NEK11: variants seen among roughly 807,000 people sequenced by gnomAD.
NEK11 encodes NIMA related kinase 11.
NEK11 carries 72 observed loss-of-function variants against 80.7 expected under a neutral mutation model. That is an observed-to-expected ratio of 0.89 (90% confidence interval 0.74 to 1.08). NEK11 has a LOEUF of 1.08. NEK11 is among the 50% of genes least tolerant of loss of function. NEK11 has a pLI of 0.00. For synonymous variants in NEK11, 251 were observed against 260.7 expected (o/e 0.96, Z 0.36); for missense variants, 764 against 763.6 (o/e 1.00, Z -0.01).
chr3:131,328,222 C>A (rs1002847411), intron 17 of NEK11, among the ~76,000 whole-genome samples: 35 of 151,688 alleles, frequency 2.3e-4, no homozygotes, highest in African/African-American at 8.5e-4. Context: ...CCTGGGAGGT[C>A]GAGGTTGCAG....
intron 17 of NEK11, among the ~76,000 whole-genome samples, chr3:131,285,062 A>C (rs191965818): frequency 7.9e-5 from 12 of 152,330 alleles, no homozygotes; most frequent in African/African-American, 2.6e-4. Flanking sequence ...CTGTGAGTAC[A>C]CTTGACTTTT....
At chr3:131,088,305 T>C (rs908286701) in intron 4 of NEK11, among the ~76,000 whole-genome samples, 1 of 152,328 alleles carries the variant, frequency 6.6e-6, no homozygotes, top group African/African-American at 2.4e-5. Flanking sequence ...ATTTGGTTTG[T>C]TCCATTTACT....
At chr3:131,214,288 A>G (rs933413367) in intron 14 of NEK11, among the ~76,000 whole-genome samples, 1 of 152,176 alleles carries the variant, frequency 6.6e-6, no homozygotes, top group Admixed American at 6.5e-5. Flanking sequence ...AAGGTTGGTG[A>G]GTTATCACCA....
At chr3:131,271,233 G>T (rs1175940324) in intron 16 of NEK11, among the ~76,000 whole-genome samples, 1 of 152,148 alleles carries the variant, frequency 6.6e-6, no homozygotes, top group Non-Finnish European at 1.5e-5. Flanking sequence ...TATCATGAAG[G>T]CATAACTGGT....
At chr3:131,174,875 G>T in intron 14 of NEK11, 1 of 1,536,906 alleles carries the variant, frequency 6.5e-7, no homozygotes, top group Middle Eastern at 1.7e-4. Flanking sequence ...CCATTCAGAT[G>T]TGGAGAATGC....
At chr3:131,117,532 G>T (rs1259708876) in intron 5 of NEK11, among the ~76,000 whole-genome samples, 8 of 152,116 alleles carry the variant, frequency 5.3e-5, no homozygotes, top group Non-Finnish European at 1.2e-4. Flanking sequence ...GTAGCTTGAT[G>T]GGGATGGCAT....
At chr3:131,173,406 A>G (rs2092809567) in intron 14 of NEK11, among the ~76,000 whole-genome samples, 1 of 152,144 alleles carries the variant, frequency 6.6e-6, no homozygotes, top group Non-Finnish European at 1.5e-5. Context: ...AGGAAGCCCC[A>G]GGACAGGATA....
chr3:131,045,598 C>A (rs1229992395), intron 3 of NEK11, among the ~76,000 whole-genome samples: 1 of 152,128 alleles, frequency 6.6e-6, no homozygotes. Context: ...ATGAATGTTA[C>A]ACGTGCTGAT....
chr3:131,077,742 C>T (rs2148995266), intron 3 of NEK11, among the ~76,000 whole-genome samples: 1 of 152,282 alleles, frequency 6.6e-6, no homozygotes, highest in South Asian at 2.1e-4. Context: ...TGTCTTTGTG[C>T]TTCGCCTGCT....
At chr3:131,249,458 A>G (rs1352915220) in intron 16 of NEK11, among the ~76,000 whole-genome samples, 1 of 152,166 alleles carries the variant, frequency 6.6e-6, no homozygotes, top group East Asian at 1.9e-4. Context: ...CCACTGGCAC[A>G]GCCACAATAT....
chr3:131,228,403 C>A, intron 14 of NEK11, 125 bp from the exon 15 acceptor site: 1 of 723,752 alleles, frequency 1.4e-6, no homozygotes, highest in Non-Finnish European at 2.2e-6. Context: ...TGAGATTCAG[C>A]TCTACACTCC....
At chr3:131,300,680 G>T (rs2096651571) in intron 17 of NEK11, among the ~76,000 whole-genome samples, 2 of 152,136 alleles carry the variant, frequency 1.3e-5, no homozygotes, top group Admixed American at 1.3e-4. Context: ...TCCAAGATCG[G>T]ATGGTTGTAG....
At chr3:131,092,751 C>T (rs1158958038) in intron 4 of NEK11, 1 of 152,158 alleles carries the variant, frequency 6.6e-6, no homozygotes, top group Non-Finnish European at 1.5e-5. Context: ...AAAGAAGAAC[C>T]ATTCTACAAA....
chr3:131,214,946 A>C (rs769121323), intron 14 of NEK11, among the ~76,000 whole-genome samples: 2 of 152,186 alleles, frequency 1.3e-5, no homozygotes, highest in Non-Finnish European at 2.9e-5. Flanking sequence ...CAATGTAGTT[A>C]AATTTAGCCC....
At chr3:131,169,438 C>G (rs1232405717) in intron 13 of NEK11, among the ~76,000 whole-genome samples, 3 of 152,186 alleles carry the variant, frequency 2.0e-5, no homozygotes, top group African/African-American at 7.2e-5. Flanking sequence ...TTTTCAGACC[C>G]TAGCTGACAA....
chr3:131,336,229 T>C (rs375786771), intron 17 of NEK11, among the ~76,000 whole-genome samples: 12 of 152,170 alleles, frequency 7.9e-5, no homozygotes, highest in South Asian at 4.1e-4. Context: ...TACTACAAGG[T>C]TACAGTAACC....
At chr3:131,123,323 T>A (rs1028644771) in intron 5 of NEK11, among the ~76,000 whole-genome samples, 1 of 152,132 alleles carries the variant, frequency 6.6e-6, no homozygotes. Flanking sequence ...TACGCCACCA[T>A]GCCCGTCTAA....
intron 17 of NEK11, among the ~76,000 whole-genome samples, chr3:131,274,308 A>AT: frequency 6.8e-6 from 1 of 147,264 alleles, no homozygotes; most frequent in Admixed American, 6.7e-5. Flanking sequence ...TTATGGCTGC[A>AT]TAGTATTCCA....
chr3:131,285,974 A>G (rs1320411697), intron 17 of NEK11, among the ~76,000 whole-genome samples: 1 of 152,218 alleles, frequency 6.6e-6, no homozygotes, highest in Admixed American at 6.5e-5. Flanking sequence ...TACTTCTCAG[A>G]GCCTCAGTTT....
Sources: allele counts gnomAD v4.1 joint callset (sites outside exome capture counted in the v4.1 genomes callset), GRCh38; gene constraint gnomAD v4.1.1; transcripts MANE v1.5; gene names NCBI Gene and HGNC (gene_info 2026-07-23, HGNC 2026-07-21).